LRRC8C: variants seen among roughly 807,000 people sequenced by gnomAD.
LRRC8C encodes the protein volume-regulated anion channel subunit LRRC8C.
In LRRC8C, 20 loss-of-function variants were observed where a neutral mutation model predicts 55.3. The observed-to-expected ratio is 0.36, with a 90% CI of 0.25 to 0.53. The LOEUF is 0.53. Among genes scored for constraint, LRRC8C ranks in the 20% least tolerant of loss-of-function variants. The pLI is 0.92. For missense variants in LRRC8C, 659 were observed against 951.4 expected, an observed-to-expected ratio of 0.69 and a Z score of 4.04; for synonymous variants, 376 against 360.7, an observed-to-expected ratio of 1.04 and a Z score of -0.48.
upstream of LRRC8C, chr1:89,632,910 T>C (rs1224577674): frequency 6.6e-6 from 1 of 152,270 alleles, no homozygotes; most frequent in East Asian, 1.9e-4. Context: ...AGCGAGGTGG[T>C]CTCTGCAGGG....
intron 1 of LRRC8C, among the ~76,000 whole-genome samples, chr1:89,643,395 C>T (rs1467141113): frequency 6.6e-6 from 1 of 152,200 alleles, no homozygotes; most frequent in African/African-American, 2.4e-5. Context: ...AGGACATATT[C>T]TTAATGAACC....
chr1:89,689,586 A>G (rs1157504760), intron 2 of LRRC8C, among the ~76,000 whole-genome samples: 2 of 152,130 alleles, frequency 1.3e-5, no homozygotes, highest in East Asian at 1.9e-4. Context: ...GTTGTTCTGC[A>G]TGTATTTTGA....
intron 1 of LRRC8C, among the ~76,000 whole-genome samples, chr1:89,665,039 T>C (rs765689226): frequency 5.3e-5 from 8 of 151,790 alleles, no homozygotes; most frequent in South Asian, 2.1e-4. Flanking sequence ...GAGATGATGA[T>C]GGGGTTTTCT....
intron 2 of LRRC8C, among the ~76,000 whole-genome samples, chr1:89,692,571 G>A (rs891207980): frequency 2.6e-5 from 4 of 152,166 alleles, no homozygotes; most frequent in Non-Finnish European, 5.9e-5. Flanking sequence ...TGCCTTACTT[G>A]TCTGACAAAT....
chr1:89,668,659 T>C (rs1049767329), intron 1 of LRRC8C, among the ~76,000 whole-genome samples: 1 of 152,216 alleles, frequency 6.6e-6, no homozygotes, highest in Non-Finnish European at 1.5e-5. Context: ...AGCTTGGACA[T>C]TGGAATCTGA....
At chr1:89,656,683 A>G (rs1656951751) in intron 1 of LRRC8C, among the ~76,000 whole-genome samples, 1 of 152,226 alleles carries the variant, frequency 6.6e-6, no homozygotes, top group African/African-American at 2.4e-5. Flanking sequence ...GGCAATGGAA[A>G]AAATAGCAAA....
the LRRC8C span, among the ~76,000 whole-genome samples, chr1:89,627,434 G>T: frequency 6.6e-6 from 1 of 152,072 alleles, no homozygotes; most frequent in African/African-American, 2.4e-5. Flanking sequence ...TATGATCTTT[G>T]ATTAAGAAGT....
At chr1:89,618,169 T>C in the LRRC8C span, among the ~76,000 whole-genome samples, 71 of 152,316 alleles carry the variant, frequency 4.7e-4, no homozygotes, top group African/African-American at 1.6e-3. Context: ...AATCCCATGG[T>C]TGGTCTTTCT....
chr1:89,646,990 C>A (rs1453165033), intron 1 of LRRC8C, among the ~76,000 whole-genome samples: 1 of 151,780 alleles, frequency 6.6e-6, no homozygotes, highest in Non-Finnish European at 1.5e-5. Context: ...TGTATATGAA[C>A]ATGAATATGA....
At chr1:89,686,670 C>T in intron 2 of LRRC8C, 59 bp downstream of exon 2, 2 of 1,576,312 alleles carry the variant, frequency 1.3e-6, no homozygotes, top group Non-Finnish European at 1.7e-6. Context: ...TCATTGAAAC[C>T]TCTTTAGGGA....
intron 2 of LRRC8C, among the ~76,000 whole-genome samples, chr1:89,703,138 A>G (rs1415894443): frequency 6.6e-6 from 1 of 152,232 alleles, no homozygotes; most frequent in African/African-American, 2.4e-5. Context: ...ATCCACATAC[A>G]TTCAAAATTA....
At chr1:89,645,847 A>G (rs549448196) in intron 1 of LRRC8C, among the ~76,000 whole-genome samples, 100 of 152,220 alleles carry the variant, frequency 6.6e-4, no homozygotes, top group African/African-American at 2.3e-3. Context: ...GAAAAATTCA[A>G]AAAGGTTAAA....
chr1:89,678,581 T>A (rs1203908764), intron 1 of LRRC8C, among the ~76,000 whole-genome samples: 1 of 151,642 alleles, frequency 6.6e-6, no homozygotes, highest in South Asian at 2.1e-4. Flanking sequence ...ATACCTGTAA[T>A]CCCAGCTACT....
At chr1:89,663,334 G>A (rs1443648531) in intron 1 of LRRC8C, among the ~76,000 whole-genome samples, 1 of 152,116 alleles carries the variant, frequency 6.6e-6, no homozygotes, top group Non-Finnish European at 1.5e-5. Context: ...ACTTTGGGAG[G>A]CAGAGGCGGG....
intron 1 of LRRC8C, among the ~76,000 whole-genome samples, chr1:89,635,827 G>T (rs1656262726): frequency 6.6e-6 from 1 of 152,170 alleles, no homozygotes; most frequent in Admixed American, 6.5e-5. Flanking sequence ...TATTATCACT[G>T]ACATGACAAT....
chr1:89,695,044 C>A (rs1658134841), intron 2 of LRRC8C, among the ~76,000 whole-genome samples: 1 of 151,436 alleles, frequency 6.6e-6, no homozygotes, highest in African/African-American at 2.4e-5. Flanking sequence ...GCCTCAGCCT[C>A]CCGAGTAACT....
chr1:89,665,845 A>C (rs941203148), intron 1 of LRRC8C, among the ~76,000 whole-genome samples: 3 of 152,126 alleles, frequency 2.0e-5, no homozygotes, highest in Non-Finnish European at 4.4e-5. Flanking sequence ...TGCAAACTCC[A>C]TTCATGGTAA....
chr1:89,676,130 T>A (rs1003560425), intron 1 of LRRC8C: 1 of 152,236 alleles, frequency 6.6e-6, no homozygotes, highest in African/African-American at 2.4e-5. Context: ...AGCTTTCTTT[T>A]AAGATCTCAG....
chr1:89,632,496 CCTT>C (rs1396903869), upstream of LRRC8C, among the ~76,000 whole-genome samples: 4 of 152,206 alleles, frequency 2.6e-5, no homozygotes, highest in East Asian at 3.8e-4. Context: ...TTGCTTTTCT[CCTT>C]CTCCATCTTC....
Sources: allele counts gnomAD v4.1 joint callset (sites outside exome capture counted in the v4.1 genomes callset), GRCh38; gene constraint gnomAD v4.1.1; transcripts MANE v1.5; gene names NCBI Gene and HGNC (gene_info 2026-07-23, HGNC 2026-07-21).